Variants in GHR observed in about 807,000 individuals in gnomAD.
The protein encoded by GHR is GH receptor.
GHR carries 35 observed loss-of-function variants against 67.1 expected under a neutral mutation model. The observed-to-expected ratio is 0.52, with a 90% CI of 0.40 to 0.69. The LOEUF is 0.69. Among genes scored for constraint, GHR ranks in the 30% least tolerant of loss-of-function variants. The pLI is 0.00. For missense variants in GHR, 792 were observed against 764.6 expected (o/e 1.04, Z -0.42); for synonymous variants, 272 against 269.1 (o/e 1.01, Z -0.10).
At chr5:42,493,898 A>G (rs1464890656) in intron 1 of GHR, among the ~76,000 whole-genome samples, 1 of 152,198 alleles carries the variant, frequency 6.6e-6, no homozygotes, top group Non-Finnish European at 1.5e-5. Flanking sequence ...CTAGATGTCT[A>G]GAGGCCAACT....
chr5:42,469,100 G>C (rs1453858295), intron 1 of GHR, among the ~76,000 whole-genome samples: 2 of 152,232 alleles, frequency 1.3e-5, no homozygotes, highest in Non-Finnish European at 2.9e-5. Flanking sequence ...ATTGTAGAAA[G>C]AAGCTTCTCT....
intron 4 of GHR, 94 bp downstream of exon 4, chr5:42,689,113 T>C: frequency 9.2e-7 from 1 of 1,087,408 alleles, no homozygotes; most frequent in South Asian, 1.2e-5. Context: ...AAGTGATTTG[T>C]TGTGATTTAT....
chr5:42,455,788 G>A (rs1245382981), intron 1 of GHR, among the ~76,000 whole-genome samples: 2 of 152,114 alleles, frequency 1.3e-5, no homozygotes, highest in Non-Finnish European at 2.9e-5. Context: ...ATATATTGAA[G>A]CCCAAACTCT....
intron 3 of GHR, 58 bp from the exon 4 acceptor site, chr5:42,688,832 T>G: frequency 6.6e-7 from 1 of 1,523,374 alleles, no homozygotes; most frequent in South Asian, 1.1e-5. Flanking sequence ...ACGTGTCTCA[T>G]TAGGATCACA....
rs369866972 is a variant in GHR at position 42,494,074 on chromosome 5, C to T, written c.-12+70119C>T. 1.4e-4 allele frequency among the ~76,000 whole-genome samples: 21 copies of T among 152,248 alleles called. No homozygotes were observed. The South Asian group carries it at 4.4e-3, about 32-fold the overall frequency. On this transcript the variant is annotated intron_variant, in intron 1 of 9. Transcript: ENST00000230882. ...TAAATGCTTGAGAGAATATAAGTCC[C>T]ATAGGTTAGCATATACTTAATTCTA...
intron 2 of GHR, among the ~76,000 whole-genome samples, chr5:42,589,387 C>A (rs1751660868): frequency 6.6e-6 from 1 of 152,138 alleles, no homozygotes; most frequent in East Asian, 1.9e-4. Context: ...TTAATACATT[C>A]CCTCAATAGT....
intron 2 of GHR, among the ~76,000 whole-genome samples, chr5:42,588,392 C>A (rs540677478): frequency 2.0e-5 from 3 of 151,810 alleles, no homozygotes; most frequent in Admixed American, 2.0e-4. Context: ...TGGTGGCACA[C>A]GCCTGTAGTC....
intron 1 of GHR, among the ~76,000 whole-genome samples, chr5:42,503,827 G>T (rs1746641358): frequency 6.6e-6 from 1 of 152,024 alleles, no homozygotes; most frequent in African/African-American, 2.4e-5. Context: ...GGACATAAAA[G>T]GACGAGGCTT....
At chr5:42,534,122 G>GTA (rs201325838) in intron 1 of GHR, among the ~76,000 whole-genome samples, 9 of 139,326 alleles carry the variant, frequency 6.5e-5, no homozygotes, top group South Asian at 4.3e-4. Context: ...ATATATGTAT[G>GTA]TATATATATG....
At chr5:42,627,322 T>C (rs967261043) in intron 2 of GHR, among the ~76,000 whole-genome samples, 1 of 152,252 alleles carries the variant, frequency 6.6e-6, no homozygotes, top group Non-Finnish European at 1.5e-5. Flanking sequence ...AATTGTTCCC[T>C]ACTGTGTCTA....
At chr5:42,670,876 A>ATATAT (rs1388654847) in intron 3 of GHR, among the ~76,000 whole-genome samples, 1,130 of 94,820 alleles carry the variant, frequency 0.012, 10 homozygotes, top group African/African-American at 0.038. Context: ...AAAAAAAAAA[A>ATATAT]AAAAATATAT....
At chr5:42,513,540 C>T (rs1747112182) in intron 1 of GHR, among the ~76,000 whole-genome samples, 2 of 152,180 alleles carry the variant, frequency 1.3e-5, no homozygotes, top group South Asian at 2.1e-4. Flanking sequence ...GTAATCCCAG[C>T]ACTTTGGGAG....
intron 3 of GHR, among the ~76,000 whole-genome samples, chr5:42,674,397 A>G (rs1756467694): frequency 6.6e-6 from 1 of 152,178 alleles, no homozygotes; most frequent in African/African-American, 2.4e-5. Flanking sequence ...TTTAATCTCA[A>G]AGTGGTTTTT....
intron 8 of GHR, among the ~76,000 whole-genome samples, chr5:42,716,452 T>G (rs920243174): frequency 6.6e-6 from 1 of 152,168 alleles, no homozygotes; most frequent in Non-Finnish European, 1.5e-5. Flanking sequence ...TCACAGCTAC[T>G]CAACTCTGCC....
intron 3 of GHR, among the ~76,000 whole-genome samples, chr5:42,642,151 T>C (rs1021575281): frequency 3.0e-4 from 46 of 152,258 alleles, no homozygotes; most frequent in African/African-American, 1.1e-3. Flanking sequence ...AGAAGACGAT[T>C]AGAAGGGCAA....
At chr5:42,560,453 A>C (rs1392257845) in intron 1 of GHR, among the ~76,000 whole-genome samples, 2 of 152,196 alleles carry the variant, frequency 1.3e-5, no homozygotes, top group Non-Finnish European at 2.9e-5. Context: ...CGGCCTCCCA[A>C]AATGCTGGGA....
intron 1 of GHR, among the ~76,000 whole-genome samples, chr5:42,484,917 A>G (rs1389262359): frequency 6.6e-6 from 1 of 152,172 alleles, no homozygotes; most frequent in African/African-American, 2.4e-5. Context: ...CCATGTCAGG[A>G]GTATGAAAAA....
intron 2 of GHR, among the ~76,000 whole-genome samples, chr5:42,580,101 T>G (rs1318325483): frequency 2.0e-5 from 3 of 152,186 alleles, no homozygotes; most frequent in Non-Finnish European, 4.4e-5. Context: ...CACTGTAAAA[T>G]CCATACTATG....
intron 3 of GHR, among the ~76,000 whole-genome samples, chr5:42,632,164 C>T (rs1214076573): frequency 1.3e-5 from 2 of 152,160 alleles, no homozygotes; most frequent in Non-Finnish European, 2.9e-5. Context: ...AACACCCACC[C>T]CAGCTTGTAA....
Sources: gnomAD v4.1 joint callset for allele counts (sites outside exome capture counted in the v4.1 genomes callset) on GRCh38, gnomAD v4.1.1 for gene constraint, MANE v1.5 for transcripts, NCBI Gene and HGNC (gene_info 2026-07-23, HGNC 2026-07-21) for gene names.